The following SPIRE2 variants were observed in gnomAD, a reference collection of about 807,000 sequenced individuals.
SPIRE2 encodes spire type actin nucleation factor 2, also known as protein spire homolog 2.
SPIRE2 carries 76 observed loss-of-function variants against 80.7 expected under a neutral mutation model. The observed-to-expected ratio is 0.94, with a 90% confidence interval of 0.78 to 1.14. The LOEUF (loss-of-function observed/expected upper bound fraction) is 1.14. SPIRE2 is among the 50% of genes most tolerant of loss of function. The probability of loss-of-function intolerance (pLI) is 0.00; values close to 1 mark genes in which losing one functional copy is unlikely to be tolerated. For missense variants in SPIRE2, 1,196 were observed against 1,015.3 expected, an observed-to-expected ratio of 1.18 and a Z score of -2.42; for synonymous variants, 535 against 432.6, an observed-to-expected ratio of 1.24 and a Z score of -2.94.
chr16:89,860,950 C>T (rs1443132128), intron 10 of SPIRE2, among the ~76,000 whole-genome samples, 155 bp downstream of exon 10: 1 of 151,786 alleles, frequency 6.6e-6, no homozygotes, highest in East Asian at 1.9e-4. Context: ...GAACATGGGG[C>T]ACCAGTGGTG....
chr16:89,846,837 C>T (rs1452664291), intron 2 of SPIRE2: 2 of 134,126 alleles, frequency 1.5e-5, no homozygotes, highest in Admixed American at 7.4e-5. Context: ...TAGATCTACC[C>T]TCTTGTTGCC....
chr16:89,845,571 G>T, intron 2 of SPIRE2: 1 of 705,666 alleles, frequency 1.4e-6, no homozygotes. Context: ...GGGTGGGGAG[G>T]GTCCCCGTGG....
At chr16:89,868,408 T>C (rs551833190) in intron 13 of SPIRE2, among the ~76,000 whole-genome samples, 192 bp downstream of exon 13, 3 of 152,224 alleles carry the variant, frequency 2.0e-5, no homozygotes, top group East Asian at 1.9e-4. Flanking sequence ...TTTTTAAACA[T>C]TGCACGTTAG....
intron 7 of SPIRE2, 95 bp downstream of exon 7, chr16:89,856,331 C>G: frequency 7.2e-7 from 1 of 1,386,182 alleles, no homozygotes; most frequent in Non-Finnish European, 9.6e-7. Context: ...GGTGGCGTCT[C>G]CCTGAGGGCG....
intron 8 of SPIRE2, 140 bp downstream of exon 8, chr16:89,858,647 C>T: frequency 1.2e-6 from 1 of 813,070 alleles, no homozygotes; most frequent in Non-Finnish European, 1.8e-6. Context: ...AAACTGACAT[C>T]CTGCCGTAGG....
chr16:89,860,855 C>A, intron 10 of SPIRE2, 60 bp downstream of exon 10: 3 of 1,105,882 alleles, frequency 2.7e-6, no homozygotes, highest in Non-Finnish European at 1.2e-6. Context: ...CACCCACCTT[C>A]CCGCCGCCAG....
chr16:89,868,352 C>A, intron 13 of SPIRE2, 136 bp downstream of exon 13: 1 of 955,036 alleles, frequency 1.0e-6, no homozygotes, highest in Non-Finnish European at 1.6e-6. Context: ...CATTCCTATA[C>A]TTTCCAAGAT....
At position 89,863,693 on chromosome 16, in the gene SPIRE2, T is replaced by C; in HGVS notation, c.1710+83T>C. ...GAGAGGGCCAGTTCCCAGGACTGTT[T>C]GCTCATGATCTGGTTGGGAGCCCTG... On this transcript the variant is annotated intron_variant, in intron 11 of 14. Transcript: ENST00000378247. The surrounding 1 kb of genome is among the most constrained non-coding windows in gnomAD (Gnocchi z 4.3). The C allele has an allele frequency of 6.2e-7, 1 of 1,611,938 alleles. No homozygotes were observed. Among genetic ancestry groups the C allele is most frequent in the South Asian group, 1.1e-5 (1 of 91,020 alleles).
intron 1 of SPIRE2, among the ~76,000 whole-genome samples, chr16:89,838,167 T>C (rs1366375774): frequency 1.3e-4 from 14 of 109,884 alleles, no homozygotes; most frequent in African/African-American, 5.9e-4. Context: ...GCTCAGCATT[T>C]TTTTTTTTTT....
In SPIRE2 at chr16:89,850,541, G is replaced by A; in HGVS notation, c.526G>A (p.Ala176Thr). The A allele has an allele frequency of 1.3e-6, 2 of 1,513,432 alleles. No individual in the cohort carries two copies. Among genetic ancestry groups the A allele is most frequent in the Non-Finnish European group, 1.8e-6 (2 of 1,135,626 alleles). 93.8% of individuals were successfully genotyped at this position (1,513,432 alleles called of 1,614,324 possible). Residue 176 changes from alanine to threonine, a missense_variant, in exon 3 of 15, where the codon GCG becomes ACG. Physicochemically the swap from Ala to Thr is moderately conservative, Grantham distance 58. Transcript: ENST00000378247. ...RTFAQAMRLC[A>T]ARLTDPRGAQ... ...CTTTGCCCAGGCCATGCGGCTGTGC[G>A]CGGCGCGGCTGACCGACCCCCGGGG...
intron 1 of SPIRE2, among the ~76,000 whole-genome samples, chr16:89,829,019 G>T (rs578183578): frequency 6.6e-6 from 1 of 151,982 alleles, no homozygotes; most frequent in South Asian, 2.1e-4. Flanking sequence ...GGCCCTGGAC[G>T]TTCCCCTCCC....
chr16:89,831,692 T>A (rs1049175028), intron 1 of SPIRE2, among the ~76,000 whole-genome samples: 6 of 151,276 alleles, frequency 4.0e-5, no homozygotes, highest in Admixed American at 3.3e-4. Flanking sequence ...CCACCACGCC[T>A]GGCCTGGATG....
intron 1 of SPIRE2, among the ~76,000 whole-genome samples, chr16:89,844,382 G>C (rs1007998707): frequency 6.0e-5 from 9 of 151,102 alleles, no homozygotes; most frequent in Admixed American, 4.6e-4. Context: ...CATCATGTTG[G>C]TCAGGCTGGT....
At chr16:89,869,053 A>AAAAAAAATATATATATATATATAT in intron 13 of SPIRE2, among the ~76,000 whole-genome samples, 4 of 24,030 alleles carry the variant, frequency 1.7e-4, no homozygotes, top group East Asian at 3.1e-3. Flanking sequence ...AAAAAAAAAA[A>AAAAAAAATATATATATATATATAT]ATATATATAT....
chr16:89,840,660 T>C (rs373845140), intron 1 of SPIRE2, among the ~76,000 whole-genome samples: 5 of 135,876 alleles, frequency 3.7e-5, no homozygotes, highest in East Asian at 2.2e-4. Context: ...TTTTTTGAGA[T>C]GGAGTCACTC....
chr16:89,837,195 C>G (rs1267454902), intron 1 of SPIRE2, among the ~76,000 whole-genome samples: 1 of 152,174 alleles, frequency 6.6e-6, no homozygotes, highest in Non-Finnish European at 1.5e-5. Flanking sequence ...ACATCTGACT[C>G]TGACCCTCCC....
In SPIRE2 at chr16:89,856,302, G is replaced by A. The variant is rs570025429; in HGVS notation, c.1102+66G>A. ...CGGCTGGGGTTCCCCCATTCCCCTG[G>A]TCAGGTTGCACATTGGAAGGTGGCG... On this transcript the variant is annotated intron_variant, in intron 7 of 14. Transcript: ENST00000378247. 34 of 1,509,176 alleles carry A rather than the reference G, an allele frequency of 2.3e-5. 1 individual carries two copies. In the South Asian group the frequency reaches 4.1e-4, roughly 18 times the overall value. 93.5% of individuals were successfully genotyped at this position (1,509,176 alleles called of 1,614,324 possible).
rs749262545 is a variant in SPIRE2 at position 89,854,314 on chromosome 16, C to T, written c.674C>T (p.Pro225Leu). The stretch of plus-strand genomic sequence containing the variant: ...CTGCAGAAGCTTCGGGAGGACGAGC[C>T]GCATCTGGAGACGCCTCGGGCAGAG... ...EMLQKLREDE[P>L]HLETPRAELD... The change falls in exon 4 of 15, where the codon CCG becomes CTG. Residue 225 changes from proline to leucine, a missense_variant. Pro to Leu is a moderately conservative substitution (Grantham distance 98, BLOSUM62 -3). Coordinates refer to ENST00000378247, the MANE Select transcript of SPIRE2 (RefSeq NM_032451.2). 8 of 1,612,572 alleles carry T rather than the reference C, an allele frequency of 5.0e-6. No homozygotes were observed. The highest frequency in any genetic ancestry group is 2.2e-5 in the South Asian group (2 of 91,050).
rs776584016 is a variant in SPIRE2, at chr16:89,828,743, C to T, written c.193C>T (p.Leu65Phe). Residue 65 changes from leucine to phenylalanine, a missense_variant, in exon 1 of 15, where the codon CTC becomes TTC. Leu to Phe is a conservative substitution (Grantham distance 22). Transcript: ENST00000378247. This position sits in a 1 kb window ranked among gnomAD's most constrained non-coding sequence, Gnocchi z 5.9. ...CCGGCGCCTGCGGGATACCGGGGAC[C>T]TCCTGCTGCGCGGGGACGGCTCGGT... The part of the protein sequence containing the change: ...PGRRLRDTGD[L>F]LLRGDGSVGA... 13 of 1,222,906 alleles carry T rather than the reference C, an allele frequency of 1.1e-5. No homozygotes were observed. The African/African-American group carries it at 1.6e-4, about 15-fold the overall frequency. The allele number at this position is 1,222,906 out of a possible 1,614,324, so 75.8% of individuals were successfully genotyped here. A position where few individuals can be genotyped will look rare whatever the true frequency, so the allele number is the denominator to read the frequency against.
Sources: gnomAD v4.1 joint callset for allele counts (sites outside exome capture counted in the v4.1 genomes callset) on GRCh38, gnomAD v4.1.1 for gene constraint, Gnocchi (gnomAD v3.1) non-coding constraint, MANE v1.5 for transcripts, NCBI Gene and HGNC (gene_info 2026-07-23, HGNC 2026-07-21) for gene names.